The following KDM8 variants were observed in gnomAD, a reference collection of about 807,000 sequenced individuals.
KDM8 encodes the protein bifunctional peptidase and arginyl-hydroxylase JMJD5.
Under a neutral mutation model 46.9 loss-of-function variants are expected in KDM8, and 35 were observed. That is an observed-to-expected ratio of 0.75 (90% CI 0.57 to 0.99). The LOEUF (loss-of-function observed/expected upper bound fraction) is 0.99, where lower values mean the gene tolerates loss of function less well. Among genes scored for constraint, KDM8 ranks in the 50% least tolerant of loss-of-function variants. The pLI is 0.00. For synonymous variants in KDM8, 232 were observed against 227.7 expected, an observed-to-expected ratio of 1.02 and a Z score of -0.17; for missense variants, 475 against 537.0, an observed-to-expected ratio of 0.88 and a Z score of 1.14.
rs112553191 is a variant in KDM8, at chr16:27,213,733, C to T, written c.647C>T (p.Pro216Leu). 9 of 1,613,992 alleles carry T rather than the reference C, an allele frequency of 5.6e-6. No homozygotes were observed. The highest frequency in any genetic ancestry group is 3.3e-5 in the South Asian group (3 of 91,084). ...CTGAAAGGCGTGGCTGACCACTGGC[C>T]GTGCATGCAGAAGTGGAGGTGGGTG... ...VILKGVADHW[P>L]CMQKWSLEYI... The change falls in exon 3 of 8, where the codon CCG becomes CTG. Residue 216 changes from proline to leucine, a missense_variant. Pro to Leu is a moderately conservative substitution (Grantham distance 98). Coordinates refer to ENST00000286096, the MANE Select transcript of KDM8 (RefSeq NM_024773.3).
intron 1 of KDM8, among the ~76,000 whole-genome samples, chr16:27,208,258 G>A (rs773981600): frequency 5.3e-5 from 8 of 152,220 alleles, no homozygotes; most frequent in South Asian, 2.1e-4. Flanking sequence ...AGGCCACCCT[G>A]GGAGGCCAGG....
chr16:27,204,112 G>C, intron 1 of KDM8: 1 of 1,546,822 alleles, frequency 6.5e-7, no homozygotes, highest in Non-Finnish European at 8.7e-7. Flanking sequence ...GAGAAATGCA[G>C]CCCCGGGGAA....
chr16:27,207,155 C>T lies in KDM8; in HGVS notation c.-31-2938C>T, dbSNP rs572764457. 2.7e-4 allele frequency among the ~76,000 whole-genome samples: 41 copies of T among 152,328 alleles called. 1 individual carries two copies. The highest frequency in any genetic ancestry group is 3.4e-3 in the Middle Eastern group (1 of 294). On this transcript the variant is annotated intron_variant, in intron 1 of 7. Coordinates refer to ENST00000286096, the MANE Select transcript of KDM8 (RefSeq NM_024773.3). Reference sequence around the variant, plus strand: ...GGGCGTGGTGGCTCACACCTGTAATCCCGGCACTTTAGGAGGCTGAGGTGG... The same window carrying T: ...GGGCGTGGTGGCTCACACCTGTAATTCCGGCACTTTAGGAGGCTGAGGTGG...
chr16:27,209,559 A>AAGGCT (rs1177789261), intron 1 of KDM8, among the ~76,000 whole-genome samples: 2 of 152,160 alleles, frequency 1.3e-5, no homozygotes, highest in African/African-American at 2.4e-5. Context: ...GGCACTCCTG[A>AAGGCT]GTGACTGCCA....
chr16:27,204,315 GCC>G (rs1477984090), intron 1 of KDM8: 9 of 1,375,576 alleles, frequency 6.5e-6, no homozygotes, highest in African/African-American at 1.5e-5. Flanking sequence ...TCGGGAGCAA[GCC>G]CGGGGACAGG....
chr16:27,210,174 T>C lies in KDM8; in HGVS notation c.51T>C (p.Thr17=). The C allele has an allele frequency of 6.2e-7, 1 of 1,613,448 alleles. No individual in the cohort carries two copies. The highest frequency in any genetic ancestry group is 8.5e-7 in the Non-Finnish European group (1 of 1,180,026). The change falls in exon 2 of 8, where the codon ACT becomes ACC. Residue 17 remains threonine (T), a synonymous_variant. Coordinates refer to ENST00000286096, the MANE Select transcript of KDM8 (RefSeq NM_024773.3). ...CAGAGCCCCTGGCCAGAGAAGGCACTTTATGGGAGGCCCTCAGGGCGCTCC... is the reference window on the plus strand; with the variant it reads ...CAGAGCCCCTGGCCAGAGAAGGCACCTTATGGGAGGCCCTCAGGGCGCTCC... ...CPAEPLAREG[T]LWEALRALLP...
rs374125293 is a variant in KDM8, at chr16:27,213,640, C to A, written c.554C>A (p.Pro185His). 6.2e-7 allele frequency: 1 copy of A among 1,614,148 alleles called. No homozygotes were observed. The highest frequency in any genetic ancestry group is 8.5e-7 in the Non-Finnish European group (1 of 1,180,032). ...GATGTGAAGTTAGAAAAAACAGTCC[C>A]CCGGCTGCACCGTCCGTCCCTCCAG... ...IPDVKLEKTV[P>H]RLHRPSLQHF... is the part of the protein sequence containing the mutation. Residue 185 changes from proline to histidine, a missense_variant, in exon 3 of 8, where the codon CCC becomes CAC. Physicochemically the swap from Pro to His is moderately conservative, Grantham distance 77. Coordinates refer to ENST00000286096, the MANE Select transcript of KDM8 (RefSeq NM_024773.3).
intron 2 of KDM8, among the ~76,000 whole-genome samples, chr16:27,213,097 C>G (rs747024392): frequency 9.2e-5 from 14 of 152,144 alleles, no homozygotes; most frequent in Admixed American, 2.0e-4. Flanking sequence ...TGCAGCCACT[C>G]CTAAGAAACT....
chr16:27,219,203 A>G (rs1448009875), intron 6 of KDM8, 93 bp downstream of exon 6: 3 of 1,328,210 alleles, frequency 2.3e-6, no homozygotes, highest in Admixed American at 5.5e-5. Context: ...CCGGGCTCTT[A>G]AAAAGAAACA....
At chr16:27,204,240 A>T in intron 1 of KDM8, 1 of 1,422,832 alleles carries the variant, frequency 7.0e-7, no homozygotes, top group Non-Finnish European at 9.2e-7. Flanking sequence ...GTAGCTCGGT[A>T]GGACTTAACG....
intron 5 of KDM8, among the ~76,000 whole-genome samples, chr16:27,217,301 G>T (rs2140974223): frequency 6.6e-6 from 1 of 152,292 alleles, no homozygotes; most frequent in East Asian, 1.9e-4. Flanking sequence ...GTTTAAGCCT[G>T]CCTCAGTTAT....
rs941813576 is a variant in KDM8, at chr16:27,210,387, CAA to C, written c.266_267del (p.Lys89ArgfsTer22). 3.1e-6 allele frequency: 5 copies of C among 1,612,902 alleles called. No homozygotes were observed. The highest frequency in any genetic ancestry group is 1.3e-5 in the African/African-American group (1 of 74,936). ...LNTGTWQDVD[K>X]DWRRVYAIGC... ...ACACGGGCACATGGCAGGACGTAGA[CAA>C]AGACTGGCGCCGGGTCTACGCCATC... is the stretch of plus-strand genomic sequence containing the variant. On this transcript the variant is annotated frameshift_variant, in exon 2 of 8. Transcript: ENST00000286096. LOFTEE classifies it high-confidence loss of function.
intron 1 of KDM8, chr16:27,204,130 A>T: frequency 6.5e-7 from 1 of 1,543,694 alleles, no homozygotes; most frequent in South Asian, 1.2e-5. Flanking sequence ...GAAGGCGCTG[A>T]GGAGGGAAGG....
At chr16:27,204,032 C>T in intron 1 of KDM8, 5 of 1,449,534 alleles carry the variant, frequency 3.4e-6, no homozygotes, top group Non-Finnish European at 4.7e-6. Context: ...TTTTAGGCAA[C>T]CAGCCGCTGC....
chr16:27,216,853 C>T (rs979939893), intron 5 of KDM8, among the ~76,000 whole-genome samples: 4 of 151,994 alleles, frequency 2.6e-5, no homozygotes, highest in Non-Finnish European at 4.4e-5. Context: ...ACCCACCTTT[C>T]TCCTGACCCT....
intron 6 of KDM8, 49 bp from the exon 7 acceptor site, chr16:27,220,344 C>T: frequency 6.5e-7 from 1 of 1,530,806 alleles, no homozygotes. Context: ...GGGCTTGGGG[C>T]AGCAGTGGAG....
At chr16:27,207,818 C>G (rs766810676) in intron 1 of KDM8, among the ~76,000 whole-genome samples, 27 of 152,296 alleles carry the variant, frequency 1.8e-4, no homozygotes, top group Non-Finnish European at 3.8e-4. Context: ...TTCTTGGGCT[C>G]AAGCAGTCCT....
intron 2 of KDM8, 66 bp from the exon 3 acceptor site, chr16:27,213,519 G>T (rs1436329177): frequency 6.4e-7 from 1 of 1,555,324 alleles, no homozygotes; most frequent in African/African-American, 1.4e-5. Flanking sequence ...CAGGTTCCTG[G>T]TGGAATACCT....
intron 2 of KDM8, 55 bp downstream of exon 2, chr16:27,210,676 C>G (rs1194797629): frequency 1.4e-6 from 2 of 1,475,046 alleles, no homozygotes; most frequent in African/African-American, 1.4e-5. Flanking sequence ...CCCTGTTGTT[C>G]TAGAAATTCC....
Sources: gnomAD v4.1 joint callset for allele counts (sites outside exome capture counted in the v4.1 genomes callset) on GRCh38, gnomAD v4.1.1 for gene constraint, MANE v1.5 for transcripts, NCBI Gene and HGNC (gene_info 2026-07-23, HGNC 2026-07-21) for gene names.